ASAP1: variants seen among roughly 807,000 people sequenced by gnomAD.
ASAP1 encodes the protein ArfGAP with SH3 domain, ankyrin repeat and PH domain 1, also known as arf-GAP with SH3 domain, ANK repeat and PH domain-containing protein 1.
Under a neutral mutation model 145.2 loss-of-function variants are expected in ASAP1, and 43 were observed. The ratio of observed to expected loss-of-function variants is 0.30; its 90% CI spans 0.23 to 0.38. The LOEUF is 0.38. Among genes scored for constraint, ASAP1 ranks in the 10% least tolerant of loss-of-function variants. The pLI is 1.00. For synonymous variants in ASAP1, 546 were observed against 515.5 expected (o/e 1.06, Z -0.80); for missense variants, 1,018 against 1,355.3 (o/e 0.75, Z 3.91).
At chr8:130,167,731 T>G (rs2097682865) in intron 10 of ASAP1, 109 bp from the exon 11 acceptor site, 2 of 754,370 alleles carry the variant, frequency 2.7e-6, no homozygotes, top group Non-Finnish European at 2.2e-6. Flanking sequence ...TTTGGTTTTC[T>G]TACTAAAAGT....
chr8:130,329,937 A>G (rs1462254122), intron 3 of ASAP1, among the ~76,000 whole-genome samples: 1 of 152,206 alleles, frequency 6.6e-6, no homozygotes, highest in African/African-American at 2.4e-5. Context: ...GCAGCCCTGA[A>G]TCACCATTTC....
At chr8:130,161,268 T>TAA (rs2097668668) in intron 11 of ASAP1, among the ~76,000 whole-genome samples, 1 of 152,194 alleles carries the variant, frequency 6.6e-6, no homozygotes, top group Admixed American at 6.5e-5. Flanking sequence ...TGAAATGTGA[T>TAA]AGTGTCGAGG....
At chr8:130,149,593 T>C (rs72722357) in intron 13 of ASAP1, among the ~76,000 whole-genome samples, 17,717 of 152,064 alleles carry the variant, frequency 0.12, 1,142 homozygotes, top group Non-Finnish European at 0.15. Flanking sequence ...TAAGAACAAT[T>C]TGCAAAGGTG....
At chr8:130,426,646 G>A (rs1461643179) in intron 1 of ASAP1, among the ~76,000 whole-genome samples, 1 of 152,148 alleles carries the variant, frequency 6.6e-6, no homozygotes, top group Non-Finnish European at 1.5e-5. Flanking sequence ...AGTTATCAGG[G>A]TCTCTGCATG....
intron 4 of ASAP1, among the ~76,000 whole-genome samples, chr8:130,227,660 ATATAT>A (rs1817664339): frequency 6.7e-6 from 1 of 149,448 alleles, no homozygotes; most frequent in African/African-American, 2.4e-5. Context: ...AAATTATTAT[ATATAT>A]TATACTATAT....
intron 4 of ASAP1, among the ~76,000 whole-genome samples, chr8:130,228,692 C>A (rs1428721024): frequency 3.9e-5 from 5 of 129,378 alleles, no homozygotes; most frequent in Admixed American, 8.1e-5. Context: ...CAGAGTGAGA[C>A]CCTGTCTTAA....
intron 3 of ASAP1, among the ~76,000 whole-genome samples, chr8:130,256,747 A>ATATATATATATATATATATCCT (rs1819552779): frequency 3.0e-5 from 1 of 33,608 alleles, no homozygotes; most frequent in African/African-American, 1.1e-4. Flanking sequence ...TCTTATATAT[A>ATATATATATATATATATATCCT]TATATATATA....
At chr8:130,381,428 CAA>C (rs1481043119) in intron 2 of ASAP1, among the ~76,000 whole-genome samples, 1 of 150,774 alleles carries the variant, frequency 6.6e-6, no homozygotes, top group South Asian at 2.2e-4. Flanking sequence ...GTTTTTCATA[CAA>C]AGTCTTTGAA....
intron 3 of ASAP1, among the ~76,000 whole-genome samples, chr8:130,271,075 G>C (rs1820557147): frequency 6.6e-6 from 1 of 152,220 alleles, no homozygotes; most frequent in African/African-American, 2.4e-5. Context: ...CCACTGATCA[G>C]GAGAGCCTGC....
chr8:130,352,633 A>G (rs1489007319), intron 3 of ASAP1, among the ~76,000 whole-genome samples: 1 of 152,252 alleles, frequency 6.6e-6, no homozygotes, highest in African/African-American at 2.4e-5. Flanking sequence ...ACCTGGGCAG[A>G]ATACTTACTG....
At chr8:130,314,381 T>C (rs1823542212) in intron 3 of ASAP1, among the ~76,000 whole-genome samples, 1 of 152,198 alleles carries the variant, frequency 6.6e-6, no homozygotes, top group Non-Finnish European at 1.5e-5. Flanking sequence ...TATACAGCAG[T>C]TTATTTAATC....
chr8:130,366,236 T>C (rs1228683087), intron 2 of ASAP1, among the ~76,000 whole-genome samples: 2 of 152,238 alleles, frequency 1.3e-5, no homozygotes, highest in East Asian at 3.8e-4. Context: ...CTATGCACAA[T>C]TGCCTACTAT....
chr8:130,123,944 GT>G, intron 18 of ASAP1, 68 bp downstream of exon 18: 3 of 1,208,478 alleles, frequency 2.5e-6, no homozygotes, highest in South Asian at 1.3e-5. Context: ...AAAAAAAGAA[GT>G]TTTTTGGAAG....
intron 4 of ASAP1, among the ~76,000 whole-genome samples, chr8:130,224,932 T>C (rs923137731): frequency 2.6e-5 from 4 of 152,234 alleles, no homozygotes; most frequent in African/African-American, 4.8e-5. Flanking sequence ...GTTAAAGCAA[T>C]TCACATTCCC....
intron 4 of ASAP1, among the ~76,000 whole-genome samples, chr8:130,223,485 C>T (rs555475686): frequency 6.6e-6 from 1 of 152,272 alleles, no homozygotes; most frequent in South Asian, 2.1e-4. Flanking sequence ...CTAATGGATG[C>T]TAATTTAAAC....
At chr8:130,309,879 T>G (rs566228363) in intron 3 of ASAP1, among the ~76,000 whole-genome samples, 99 of 152,340 alleles carry the variant, frequency 6.5e-4, no homozygotes, top group African/African-American at 2.3e-3. Flanking sequence ...CTAGGTTTAG[T>G]TGAAAATCTG....
chr8:130,341,020 A>T lies in ASAP1; in HGVS notation c.186+16997T>A, dbSNP rs1375240959. The T allele has an allele frequency of 9.7e-6, 4 of 411,984 alleles. No homozygotes were observed. In the Admixed American group the frequency reaches 1.2e-4, roughly 12 times the overall value. The allele number at this position is 411,984 out of a possible 1,614,324, so 25.5% of individuals were successfully genotyped here. A position where few individuals can be genotyped will look rare whatever the true frequency, so the allele number is the denominator to read the frequency against. On this transcript the variant is annotated intron_variant, in intron 3 of 29. Transcript: ENST00000518721. ...CAGTGGTGGAGGGGTGGTTTTTTAG[A>T]GTGTTTTTTAACCGACATTAAATGT...
intron 2 of ASAP1, among the ~76,000 whole-genome samples, chr8:130,362,736 C>G (rs192036730): frequency 6.6e-6 from 1 of 152,258 alleles, no homozygotes; most frequent in African/African-American, 2.4e-5. Flanking sequence ...TCAAAGTATC[C>G]TTTGTTAGGT....
At chr8:130,305,271 C>A (rs914177938) in intron 3 of ASAP1, among the ~76,000 whole-genome samples, 1 of 152,252 alleles carries the variant, frequency 6.6e-6, no homozygotes, top group Non-Finnish European at 1.5e-5. Context: ...GCACATACTT[C>A]TTAGTCTCTT....
Sources: allele counts gnomAD v4.1 joint callset (sites outside exome capture counted in the v4.1 genomes callset), GRCh38; gene constraint gnomAD v4.1.1; transcripts MANE v1.5; gene names NCBI Gene and HGNC (gene_info 2026-07-23, HGNC 2026-07-21).